SNX27: variants seen among roughly 807,000 people sequenced by gnomAD.
SNX27 encodes sorting nexin-27.
Under a neutral mutation model 71.6 loss-of-function variants are expected in SNX27, and 22 were observed. The ratio of observed to expected loss-of-function variants is 0.31; its 90% confidence interval spans 0.22 to 0.44. The LOEUF is 0.44. Ranked by LOEUF, SNX27 falls within the 20% of genes least tolerant of loss-of-function variation. The pLI, the probability that SNX27 is intolerant of heterozygous loss-of-function variation, is 1.00. For missense variants in SNX27, 531 were observed against 698.6 expected (o/e 0.76, Z 2.70); for synonymous variants, 269 against 277.2 (o/e 0.97, Z 0.29).
At chr1:151,629,983 C>T (rs1206450125) in intron 1 of SNX27, among the ~76,000 whole-genome samples, 3 of 147,764 alleles carry the variant, frequency 2.0e-5, no homozygotes, top group African/African-American at 7.5e-5. Flanking sequence ...TGGTGGCCTG[C>T]ACCTGTAATC....
chr1:151,641,704 GATAT>G (rs1191312514), intron 2 of SNX27, among the ~76,000 whole-genome samples: 1 of 129,732 alleles, frequency 7.7e-6, no homozygotes, highest in African/African-American at 2.8e-5. Flanking sequence ...TCATATATAT[GATAT>G]ATATAGCATA....
chr1:151,684,933 C>T (rs928964862), intron 8 of SNX27, among the ~76,000 whole-genome samples: 4 of 151,984 alleles, frequency 2.6e-5, no homozygotes, highest in East Asian at 1.9e-4. Context: ...CTCAGCCTCT[C>T]GAGTAGCTGG....
At chr1:151,619,210 G>A (rs967007448) in intron 1 of SNX27, among the ~76,000 whole-genome samples, 4 of 152,026 alleles carry the variant, frequency 2.6e-5, no homozygotes, top group Non-Finnish European at 4.4e-5. Context: ...GTGTGGTGGC[G>A]CATGCCTATA....
At chr1:151,639,688 A>T in intron 2 of SNX27, among the ~76,000 whole-genome samples, 1 of 152,194 alleles carries the variant, frequency 6.6e-6, no homozygotes. Context: ...GCTGTTTCAC[A>T]CATTTCTAAT....
intron 7 of SNX27, chr1:151,669,205 A>G (rs1287727396): frequency 2.0e-5 from 3 of 152,202 alleles, no homozygotes; most frequent in Non-Finnish European, 4.4e-5. Flanking sequence ...TTCCTTCTCC[A>G]TTCCTACCAT....
At chr1:151,658,630 A>G (rs1669810720) in intron 3 of SNX27, among the ~76,000 whole-genome samples, 1 of 152,164 alleles carries the variant, frequency 6.6e-6, no homozygotes, top group Admixed American at 6.5e-5. Context: ...GGTTTGTTGA[A>G]TGCTTAACAA....
chr1:151,642,803 T>C (rs1432332085), intron 2 of SNX27, among the ~76,000 whole-genome samples: 1 of 151,900 alleles, frequency 6.6e-6, no homozygotes, highest in African/African-American at 2.4e-5. Context: ...CATGTCCGGC[T>C]AATTTTTTTG....
At chr1:151,615,749 CA>C in intron 1 of SNX27, 1 of 982,506 alleles carries the variant, frequency 1.0e-6, no homozygotes, top group South Asian at 4.7e-5. Context: ...ATTGTGTTTA[CA>C]AATTGTTTTT....
Position 151,612,136 on chromosome 1 carries a change from G to C in SNX27, c.-66G>C. On this transcript the variant is annotated 5_prime_UTR_variant, in exon 1 of 12. Transcript: ENST00000458013. This position sits in a 1 kb window ranked among gnomAD's most constrained non-coding sequence, Gnocchi z 5.2. ...TCGGGGGTCGTCCGGCTGCCAGGCA[G>C]GGCGAGCACGCGCCGGGAGGCCTTG... The C allele has an allele frequency of 7.8e-7, 1 of 1,277,658 alleles. No individual in the cohort carries two copies. The highest frequency in any genetic ancestry group is 9.9e-7 in the Non-Finnish European group (1 of 1,010,220). The allele number at this position is 1,277,658 out of a possible 1,614,324, so 79.1% of individuals were successfully genotyped here. A position where few individuals can be genotyped will look rare whatever the true frequency, so the allele number is the denominator to read the frequency against.
chr1:151,650,603 T>A (rs28551691), intron 2 of SNX27, among the ~76,000 whole-genome samples: 5,192 of 152,170 alleles, frequency 0.034, 287 homozygotes, highest in African/African-American at 0.11. Context: ...TCTTTTTTTT[T>A]AAAATTTATT....
rs535887728 is a variant in SNX27, at chr1:151,651,225, G to C, written c.544-7010G>C. 1.7e-3 allele frequency among the ~76,000 whole-genome samples: 254 copies of C among 151,004 alleles called. 1 individual carries two copies. Among genetic ancestry groups the C allele is most frequent in the Middle Eastern group, 0.014 (4 of 292 alleles). On this transcript the variant is annotated intron_variant, in intron 2 of 11. Transcript: ENST00000458013. Reference sequence around the variant, plus strand: ...TCCCGGGCGGGGCGGCTGGCCGGGCGGGGGGCTGACCCCCCGACCTCCCTC... The same window carrying C: ...TCCCGGGCGGGGCGGCTGGCCGGGCCGGGGGCTGACCCCCCGACCTCCCTC...
At position 151,665,940 on chromosome 1, in the gene SNX27, C is replaced by T. The variant is rs151014791; in HGVS notation, c.914C>T (p.Ala305Val). The T allele has an allele frequency of 7.5e-6, 12 of 1,598,514 alleles. No homozygotes were observed. The African/African-American group carries it at 1.6e-4, about 21-fold the overall frequency. ...TATCCTGTTTAACCTTAGGCTATCG[C>T]AGCAAAGGTTGGCATGGACAGTACG... Reference protein sequence around the residue: ...STTDQVYQAIAAKVGMDSTTV... With the variant: ...STTDQVYQAIVAKVGMDSTTV... Residue 305 changes from alanine to valine, a missense_variant, in exon 6 of 12, where the codon GCA becomes GTA. Physicochemically the swap from Ala to Val is moderately conservative, Grantham distance 64 (BLOSUM62 0). Transcript: ENST00000458013.
chr1:151,694,124 G>A, intron 11 of SNX27: 3 of 1,275,742 alleles, frequency 2.4e-6, no homozygotes, highest in Middle Eastern at 3.0e-4. Context: ...GTAATTTTGG[G>A]TAAATCAGCC....
At chr1:151,652,551 G>A (rs947028851) in intron 2 of SNX27, among the ~76,000 whole-genome samples, 2 of 151,744 alleles carry the variant, frequency 1.3e-5, no homozygotes, top group Non-Finnish European at 2.9e-5. Context: ...TGGGACTACA[G>A]GCAGCCGCTA....
chr1:151,635,039 G>A (rs1166414168), intron 1 of SNX27, among the ~76,000 whole-genome samples: 1 of 152,174 alleles, frequency 6.6e-6, no homozygotes, highest in Non-Finnish European at 1.5e-5. Context: ...ATTGTCATTG[G>A]TTGAGAGCTT....
At chr1:151,650,485 A>G (rs1488198247) in intron 2 of SNX27, among the ~76,000 whole-genome samples, 1 of 152,014 alleles carries the variant, frequency 6.6e-6, no homozygotes, top group Non-Finnish European at 1.5e-5. Flanking sequence ...TCTTCAGCCC[A>G]TTCTTTTTCT....
At chr1:151,675,626 A>G (rs111305563) in intron 7 of SNX27, among the ~76,000 whole-genome samples, 3,373 of 151,548 alleles carry the variant, frequency 0.022, 122 homozygotes, top group African/African-American at 0.078. Context: ...GGCTCCAGCA[A>G]TCCTCCCACC....
intron 3 of SNX27, chr1:151,660,247 T>C (rs1391875387): frequency 6.6e-6 from 1 of 151,902 alleles, no homozygotes; most frequent in Admixed American, 6.6e-5. Flanking sequence ...CCAGTTTTTT[T>C]TTTTTTTTTT....
intron 7 of SNX27, chr1:151,679,438 T>C (rs1670842991): frequency 6.6e-6 from 1 of 152,240 alleles, no homozygotes; most frequent in African/African-American, 2.4e-5. Context: ...GTACACACAT[T>C]TAAGCTGCTG....
Sources: gnomAD v4.1 joint callset for allele counts (sites outside exome capture counted in the v4.1 genomes callset) on GRCh38, gnomAD v4.1.1 for gene constraint, Gnocchi (gnomAD v3.1) non-coding constraint, MANE v1.5 for transcripts, NCBI Gene and HGNC (gene_info 2026-07-23, HGNC 2026-07-21) for gene names.